DOK5: variants seen among roughly 807,000 people sequenced by gnomAD.
DOK5 encodes the protein downstream of tyrosine kinase 5.
DOK5 carries 27 observed loss-of-function variants against 43.3 expected under a neutral mutation model. The observed-to-expected ratio is 0.62, with a 90% CI of 0.46 to 0.86. DOK5 has a LOEUF of 0.86. Among genes scored for constraint, DOK5 ranks in the 40% least tolerant of loss-of-function variants. The probability of loss-of-function intolerance (pLI) is 0.00; values close to 1 mark genes in which losing one functional copy is unlikely to be tolerated. For synonymous variants in DOK5, 146 were observed against 140.1 expected (o/e 1.04, Z -0.30); for missense variants, 373 against 392.9 (o/e 0.95, Z 0.43).
chr20:54,551,267 T>C (rs2146725594), intron 1 of DOK5, among the ~76,000 whole-genome samples: 1 of 152,348 alleles, frequency 6.6e-6, no homozygotes, highest in African/African-American at 2.4e-5. Context: ...TTTACTGTTG[T>C]GATTTGAGGG....
intron 1 of DOK5, among the ~76,000 whole-genome samples, chr20:54,510,858 C>T (rs190773961): frequency 5.4e-4 from 82 of 152,244 alleles, no homozygotes; most frequent in Non-Finnish European, 8.8e-4. Context: ...GAAAGAGTAG[C>T]TCATTAAAAT....
intron 1 of DOK5, among the ~76,000 whole-genome samples, chr20:54,528,238 A>G (rs1282132367): frequency 1.3e-5 from 2 of 152,162 alleles, no homozygotes; most frequent in East Asian, 3.9e-4. Context: ...AAACTCATAC[A>G]TGTATAGATA....
Position 54,476,816 on chromosome 20 carries a change from CTT to C in DOK5, c.66+805_66+806del, listed in dbSNP as rs1981446535. ...CTCCCTCTCTTTCGCCCCTTTCTCT[CTT>C]GGCTCTTCGCTGGAGGAGGCTTCAA... On this transcript the variant is annotated intron_variant, in intron 1 of 7. Transcript: ENST00000262593. Among the ~76,000 whole-genome samples the C allele has an allele frequency of 2.0e-5, 3 of 152,292 alleles. No individual in the cohort carries two copies. The South Asian group carries it at 6.2e-4, about 32-fold the overall frequency.
intron 1 of DOK5, among the ~76,000 whole-genome samples, chr20:54,480,635 A>G (rs1417370534): frequency 6.6e-6 from 1 of 152,174 alleles, no homozygotes; most frequent in East Asian, 1.9e-4. Flanking sequence ...CTTGCCCTGA[A>G]TTCTTTGCTG....
At position 54,535,013 on chromosome 20, in the gene DOK5, T is replaced by C. The variant is rs574136015; in HGVS notation, c.67-19920T>C. 8.5e-5 allele frequency among the ~76,000 whole-genome samples: 13 copies of C among 152,248 alleles called. No individual in the cohort carries two copies. In the East Asian group the frequency reaches 1.7e-3, roughly 20 times the overall value. On this transcript the variant is annotated intron_variant, in intron 1 of 7. Coordinates refer to ENST00000262593, the MANE Select transcript of DOK5 (RefSeq NM_018431.5). ...CACGCCTGGCTAGTTTTTGTATTTT[T>C]AGTAGAGACAGGGTTTCACCATCTT...
chr20:54,541,132 T>C (rs1046613716), intron 1 of DOK5, among the ~76,000 whole-genome samples: 3 of 152,330 alleles, frequency 2.0e-5, no homozygotes, highest in African/African-American at 4.8e-5. Context: ...CATTTTGGAA[T>C]CATCCTAGAC....
chr20:54,611,670 A>G (rs1986656356), intron 6 of DOK5, among the ~76,000 whole-genome samples: 1 of 152,242 alleles, frequency 6.6e-6, no homozygotes, highest in South Asian at 2.1e-4. Context: ...AGTAATGCAC[A>G]TCATGCGTTG....
chr20:54,511,535 G>A (rs1000220137), intron 1 of DOK5, among the ~76,000 whole-genome samples: 6 of 152,206 alleles, frequency 3.9e-5, no homozygotes, highest in Admixed American at 6.5e-5. Flanking sequence ...TTTAAAAGCC[G>A]TTGGCTTAAT....
In DOK5 at chr20:54,591,741, T is replaced by A. The variant is rs1215433909; in HGVS notation, c.535T>A (p.Trp179Arg). Residue 179 changes from tryptophan to arginine, a missense_variant, in exon 5 of 8, where the codon TGG becomes AGG. Transcript: ENST00000262593. ...VQNPRVKLIS[W>R]PLSALRRYGR... ...GAATCCCAGAGTCAAACTCATCTCT[T>A]GGCCGCTAAGCGCCCTGCGGCGGTA... 6.2e-7 allele frequency: 1 copy of A among 1,614,260 alleles called. No homozygotes were observed. The highest frequency in any genetic ancestry group is 1.7e-5 in the Admixed American group (1 of 60,026).
chr20:54,601,264 A>G (rs6023398), intron 5 of DOK5, among the ~76,000 whole-genome samples: 27,328 of 152,194 alleles, frequency 0.18, 4,600 homozygotes, highest in African/African-American at 0.44. Context: ...ATCTTGTCAG[A>G]GATTAGTAAA....
chr20:54,505,111 T>C (rs1441835117), intron 1 of DOK5, among the ~76,000 whole-genome samples: 1 of 152,096 alleles, frequency 6.6e-6, no homozygotes, highest in East Asian at 1.9e-4. Context: ...GGTTCTGCAG[T>C]TTACCAGTGG....
intron 1 of DOK5, among the ~76,000 whole-genome samples, chr20:54,485,300 C>T (rs916575603): frequency 2.1e-4 from 32 of 149,290 alleles, no homozygotes; most frequent in African/African-American, 7.5e-4. Flanking sequence ...TTGCAGTGAG[C>T]TGAGATCGTG....
chr20:54,483,714 A>G (rs1005676806), intron 1 of DOK5, among the ~76,000 whole-genome samples: 2 of 152,212 alleles, frequency 1.3e-5, no homozygotes, highest in Non-Finnish European at 2.9e-5. Flanking sequence ...TTCCTGTGAA[A>G]TTCAAAATAA....
intron 1 of DOK5, among the ~76,000 whole-genome samples, chr20:54,483,151 G>T (rs1981793242): frequency 6.6e-6 from 1 of 152,128 alleles, no homozygotes; most frequent in Non-Finnish European, 1.5e-5. Context: ...CCCCAAAACT[G>T]ATTTAAGCAG....
intron 1 of DOK5, among the ~76,000 whole-genome samples, chr20:54,550,874 T>C (rs532242087): frequency 0.02 from 3,080 of 152,294 alleles, 100 homozygotes; most frequent in African/African-American, 0.07. Context: ...TACAGATTTT[T>C]TTTTTATGTG....
intron 1 of DOK5, among the ~76,000 whole-genome samples, chr20:54,511,476 A>T (rs1389149862): frequency 6.6e-6 from 1 of 152,246 alleles, no homozygotes; most frequent in East Asian, 1.9e-4. Context: ...ATAATTTTTT[A>T]AAATGTGTTT....
At chr20:54,567,462 T>G (rs1038575608) in intron 2 of DOK5, among the ~76,000 whole-genome samples, 2 of 152,210 alleles carry the variant, frequency 1.3e-5, no homozygotes, top group Non-Finnish European at 2.9e-5. Flanking sequence ...TGAATTGATT[T>G]TTTTACCTTT....
Position 54,592,401 on chromosome 20 carries a change from A to G in DOK5, c.599+596A>G, listed in dbSNP as rs572542873. On this transcript the variant is annotated intron_variant, in intron 5 of 7. Coordinates refer to ENST00000262593, the MANE Select transcript of DOK5 (RefSeq NM_018431.5). ...CTTAGGGGTTAATCTGGGAGAGATT[A>G]ACCAGATAGTATAGTAACCAAGCCA... Among the ~76,000 whole-genome samples the G allele has an allele frequency of 4.6e-4, 70 of 152,270 alleles. 1 individual carries two copies. Among genetic ancestry groups the G allele is most frequent in the African/African-American group, 1.7e-3 (69 of 41,530 alleles).
At chr20:54,574,248 G>A (rs536424018) in intron 2 of DOK5, among the ~76,000 whole-genome samples, 1 of 152,096 alleles carries the variant, frequency 6.6e-6, no homozygotes, top group South Asian at 2.1e-4. Context: ...TTCTCAATAG[G>A]ACTAGATAGA....
Sources: allele counts gnomAD v4.1 joint callset (sites outside exome capture counted in the v4.1 genomes callset), GRCh38; gene constraint gnomAD v4.1.1; transcripts MANE v1.5; gene names NCBI Gene and HGNC (gene_info 2026-07-23, HGNC 2026-07-21).